Variants in HSD17B1 observed in about 807,000 individuals in gnomAD.
HSD17B1 encodes hydroxysteroid 17-beta dehydrogenase 1.
A neutral mutation model predicts 22.7 loss-of-function variants in HSD17B1; 16 were observed. The observed-to-expected ratio is 0.71, with a 90% CI of 0.48 to 1.07. The LOEUF is 1.07. HSD17B1 is among the 50% of genes least tolerant of loss of function. HSD17B1 has a pLI of 0.00. For synonymous variants in HSD17B1, 243 were observed against 211.0 expected (o/e 1.15, Z -1.31); for missense variants, 533 against 459.9 (o/e 1.16, Z -1.45).
At position 42,553,021 on chromosome 17, in the gene HSD17B1, A is replaced by G; in HGVS notation, c.88A>G (p.Ser30Gly). The G allele has an allele frequency of 1.9e-6, 3 of 1,614,116 alleles. No individual in the cohort carries two copies. The highest frequency in any genetic ancestry group is 1.7e-6 in the Non-Finnish European group (2 of 1,180,012). The change falls in exon 1 of 6, where the codon AGC (serine) becomes GGC (glycine). Residue 30 changes from serine (S) to glycine (G), a missense_variant. Transcript: ENST00000585807. Reference protein sequence around the residue: ...AVRLASDPSQSFKVYATLRDL... With the variant: ...AVRLASDPSQGFKVYATLRDL... ...ACGTCTGGCTTCAGATCCATCCCAG[A>G]GCTTCAAAGGTATAGATAGGCAGGG...
chr17:42,554,337 G>T lies in HSD17B1; in HGVS notation c.540-68G>T. ...CGGGACGTGGTTGGGGCTGGGACTG[G>T]GGTTGGGGCTGGGACTGGGGCCTGG... On this transcript the variant is annotated intron_variant, in intron 4 of 5. Coordinates refer to ENST00000585807, the MANE Select transcript of HSD17B1 (RefSeq NM_000413.4). 2.7e-6 allele frequency: 4 copies of T among 1,499,928 alleles called. No homozygotes were observed. In the South Asian group the frequency reaches 5.0e-5, roughly 19 times the overall value. The allele number at this position is 1,499,928 out of a possible 1,614,324, so 92.9% of individuals were successfully genotyped here.
Position 42,554,439 on chromosome 17 carries a change from G to A in HSD17B1, c.574G>A (p.Ala192Thr). 3 of 1,612,698 alleles carry A rather than the reference G, an allele frequency of 1.9e-6. No homozygotes were observed. The highest frequency in any genetic ancestry group is 2.5e-6 in the Non-Finnish European group (3 of 1,179,432). The change falls in exon 5 of 6, where the codon GCC becomes ACC. Residue 192 changes from alanine to threonine, a missense_variant. Transcript: ENST00000585807. ...SLIECGPVHTAFMEKVLGSPE... is the reference protein window; with the variant it reads ...SLIECGPVHTTFMEKVLGSPE... ...GATCGAGTGCGGCCCAGTGCACACC[G>A]CCTTCATGGAGAAGGTGTTGGGCAG...
chr17:42,553,200 A>C lies in HSD17B1; in HGVS notation c.174A>C (p.Gly58=), dbSNP rs376755275. The C allele has an allele frequency of 2.5e-6, 4 of 1,613,726 alleles. No individual in the cohort carries two copies. Among genetic ancestry groups the C allele is most frequent in the Non-Finnish European group, 3.4e-6 (4 of 1,180,002 alleles). The part of the protein sequence containing the change: ...EAARALACPP[G]SLETLQLDVR... ...CCCGGGCCCTGGCATGCCCTCCGGGATCCCTGGAGACGTTGCAGCTGGACG... is the reference window on the plus strand; with the variant it reads ...CCCGGGCCCTGGCATGCCCTCCGGGCTCCCTGGAGACGTTGCAGCTGGACG... Residue 58 remains glycine, a synonymous_variant, in exon 2 of 6, where the codon GGA becomes GGC. Coordinates refer to ENST00000585807, the MANE Select transcript of HSD17B1 (RefSeq NM_000413.4).
rs1195990495 is a variant in HSD17B1, at chr17:42,554,966, C to T, written c.*28C>T. 9.7e-6 allele frequency: 14 copies of T among 1,444,450 alleles called. No homozygotes were observed. The highest frequency in any genetic ancestry group is 1.5e-5 in the African/African-American group (1 of 68,910). The allele number at this position is 1,444,450 out of a possible 1,614,324, so 89.5% of individuals were successfully genotyped here. On this transcript the variant is annotated 3_prime_UTR_variant, in exon 6 of 6. Coordinates refer to ENST00000585807, the MANE Select transcript of HSD17B1 (RefSeq NM_000413.4). ...GCTTCCTCAGCCGCTGTCTCCCGCG[C>T]CCTTCTTTGTCCCCTGGGTCTGTGT... is the stretch of plus-strand genomic sequence containing the variant.
Position 42,554,813 on chromosome 17 carries a change from G to T in HSD17B1, c.862G>T (p.Val288Phe). The T allele has an allele frequency of 6.2e-7, 1 of 1,601,108 alleles. No individual in the cohort carries two copies. The change falls in exon 6 of 6, where the codon GTT becomes TTT. Residue 288 changes from valine to phenylalanine, a missense_variant. Val to Phe is a conservative substitution (Grantham distance 50). Coordinates refer to ENST00000585807, the MANE Select transcript of HSD17B1 (RefSeq NM_000413.4). ...TAMHREVFGD[V>F]PAKAEAGAEA... ...CATGCACCGGGAAGTGTTCGGCGAC[G>T]TTCCGGCAAAGGCCGAGGCTGGGGC... is the stretch of plus-strand genomic sequence containing the variant.
rs1247823253 is a variant in HSD17B1 at position 42,554,821 on chromosome 17, A to T, written c.870A>T (p.Ala290=). The T allele has an allele frequency of 6.3e-7, 1 of 1,599,998 alleles. No individual in the cohort carries two copies. Among genetic ancestry groups the T allele is most frequent in the African/African-American group, 1.3e-5 (1 of 74,946 alleles). Residue 290 remains alanine, a synonymous_variant, in exon 6 of 6, where the codon GCA becomes GCT. Transcript: ENST00000585807. ...GGGAAGTGTTCGGCGACGTTCCGGC[A>T]AAGGCCGAGGCTGGGGCCGAGGCTG... ...MHREVFGDVP[A]KAEAGAEAGG...
In HSD17B1 at chr17:42,553,521, A is replaced by T. The variant is rs1387181717; in HGVS notation, c.348A>T (p.Val116=). Residue 116 remains valine (V), a synonymous_variant, in exon 3 of 6, where the codon GTA becomes GTT. Transcript: ENST00000585807. ...DAVASVLDVN[V]VGTVRMLQAF... is the part of the protein sequence containing the mutation. ...TGGCCTCTGTGCTGGACGTGAATGT[A>T]GTAGGGACTGTGCGGATGCTGCAGG... The T allele has an allele frequency of 6.2e-7, 1 of 1,614,018 alleles. No individual in the cohort carries two copies. The highest frequency in any genetic ancestry group is 2.2e-5 in the East Asian group (1 of 44,878).
Position 42,553,596 on chromosome 17 carries a change from C to CGGGA in HSD17B1, c.425_428dup (p.Ser143ArgfsTer13), listed in dbSNP as rs1567898210. On this transcript the variant is annotated frameshift_variant, in exon 3 of 6. Coordinates refer to ENST00000585807, the MANE Select transcript of HSD17B1 (RefSeq NM_000413.4). LOFTEE classifies it high-confidence loss of function. ...GCGGTTCGGGACGCGTGTTGGTGACCGGGAGCGTGGGAGGATTGATGGGTG... is the reference window on the plus strand; with the variant it reads ...GCGGTTCGGGACGCGTGTTGGTGACCGGGAGGGAGCGTGGGAGGATTGATGGGTG... The CGGGA allele has an allele frequency of 6.2e-7, 1 of 1,609,332 alleles. No homozygotes were observed. Among genetic ancestry groups the CGGGA allele is most frequent in the South Asian group, 1.1e-5 (1 of 90,482 alleles).
Position 42,554,600 on chromosome 17 carries a change from C to T in HSD17B1, c.717+18C>T, listed in dbSNP as rs1164279454. On this transcript the variant is annotated intron_variant, in intron 5 of 5. Transcript: ENST00000585807. ...TGGCGGAGGTGAGCGCCGGGCTGGA[C>T]TCCAGGAGTGGGGGCGGTGCGTCCT... The T allele has an allele frequency of 6.2e-7, 1 of 1,610,848 alleles. No homozygotes were observed. The highest frequency in any genetic ancestry group is 2.2e-5 in the East Asian group (1 of 44,802).
chr17:42,554,923 G>C lies in HSD17B1; in HGVS notation c.972G>C (p.Pro324=). The C allele has an allele frequency of 6.8e-7, 1 of 1,475,390 alleles. No individual in the cohort carries two copies. The allele number at this position is 1,475,390 out of a possible 1,614,324, so 91.4% of individuals were successfully genotyped here. A position where few individuals can be genotyped will look rare whatever the true frequency, so the allele number is the denominator to read the frequency against. Residue 324 remains proline (P), a synonymous_variant, in exon 6 of 6, where the codon CCG becomes CCC. Coordinates refer to ENST00000585807, the MANE Select transcript of HSD17B1 (RefSeq NM_000413.4). The part of the protein sequence containing the change: ...AVGDPELGDP[P]AAPQ ...GGGACCCTGAGCTCGGCGATCCTCC[G>C]GCCGCCCCGCAGTAAAGGCTTCCTC...
chr17:42,553,767 C>T (rs769700504), intron 3 of HSD17B1, 27 bp from the exon 4 acceptor site: 3 of 1,610,076 alleles, frequency 1.9e-6, no homozygotes, highest in Non-Finnish European at 1.7e-6. Context: ...GCCGCTGCGC[C>T]TCAGGAACCT....
chr17:42,553,134 G>C lies in HSD17B1; in HGVS notation c.108G>C (p.Thr36=), dbSNP rs772103174. Residue 36 remains threonine (T), a synonymous_variant, in exon 2 of 6, where the codon ACG becomes ACC. Coordinates refer to ENST00000585807, the MANE Select transcript of HSD17B1 (RefSeq NM_000413.4). ...DPSQSFKVYA[T]LRDLKTQGRL... ...TCCCAAAACCTCCAGTGTATGCCAC[G>C]TTGAGGGACCTGAAAACACAGGGCC... is the stretch of plus-strand genomic sequence containing the variant. The C allele has an allele frequency of 6.2e-7, 1 of 1,613,902 alleles. No homozygotes were observed. Among genetic ancestry groups the C allele is most frequent in the Non-Finnish European group, 8.5e-7 (1 of 1,180,008 alleles).
chr17:42,554,637 C>T (rs1181560478), intron 5 of HSD17B1, 32 bp from the exon 6 acceptor site: 3 of 1,605,222 alleles, frequency 1.9e-6, no homozygotes, highest in East Asian at 2.2e-5. Context: ...CGGCGCGCAG[C>T]GGTGGCCACA....
rs2092955454 is a variant in HSD17B1 at position 42,554,395 on chromosome 17, C to T, written c.540-10C>T. On this transcript the variant is annotated splice_polypyrimidine_tract_variant and intron_variant, in intron 4 of 5. Coordinates refer to ENST00000585807, the MANE Select transcript of HSD17B1 (RefSeq NM_000413.4). ...CCGCCCCCTCCCACTCGTTGCTCTC[C>T]GGCCAGCAGCTTGAGCCTGATCGAG... 1 of 1,591,080 alleles carries T rather than the reference C, an allele frequency of 6.3e-7. No individual in the cohort carries two copies. Among genetic ancestry groups the T allele is most frequent in the South Asian group, 1.1e-5 (1 of 89,536 alleles).
At chr17:42,553,992 T>G in intron 4 of HSD17B1, 105 bp downstream of exon 4, 1 of 1,014,546 alleles carries the variant, frequency 9.9e-7, no homozygotes, top group Non-Finnish European at 1.5e-6. Context: ...TGGCCCTCTC[T>G]GCCCGGCTCA....
chr17:42,554,610 G>A lies in HSD17B1; in HGVS notation c.717+28G>A, dbSNP rs374111764. ...GAGCGCCGGGCTGGACTCCAGGAGT[G>A]GGGGCGGTGCGTCCTCCGGCGCGCA... On this transcript the variant is annotated intron_variant, in intron 5 of 5. Transcript: ENST00000585807. The A allele has an allele frequency of 8.1e-6, 13 of 1,608,782 alleles. 1 individual carries two copies. The South Asian group carries it at 1.1e-4, about 14-fold the overall frequency.
chr17:42,554,940 G>C lies in HSD17B1; in HGVS notation c.*2G>C. The C allele has an allele frequency of 1.4e-6, 2 of 1,460,120 alleles. No individual in the cohort carries two copies. The highest frequency in any genetic ancestry group is 1.8e-6 in the Non-Finnish European group (2 of 1,114,404). The allele number at this position is 1,460,120 out of a possible 1,614,324, so 90.4% of individuals were successfully genotyped here. A position where few individuals can be genotyped will look rare whatever the true frequency, so the allele number is the denominator to read the frequency against. On this transcript the variant is annotated 3_prime_UTR_variant, in exon 6 of 6. Coordinates refer to ENST00000585807, the MANE Select transcript of HSD17B1 (RefSeq NM_000413.4). Reference sequence around the variant, plus strand: ...GATCCTCCGGCCGCCCCGCAGTAAAGGCTTCCTCAGCCGCTGTCTCCCGCG... The same window carrying C: ...GATCCTCCGGCCGCCCCGCAGTAAACGCTTCCTCAGCCGCTGTCTCCCGCG...
chr17:42,554,941 G>C lies in HSD17B1; in HGVS notation c.*3G>C, dbSNP rs759997251. 3 of 1,458,534 alleles carry C rather than the reference G, an allele frequency of 2.1e-6. No individual in the cohort carries two copies. The highest frequency in any genetic ancestry group is 2.9e-5 in the African/African-American group (2 of 69,700). 90.3% of individuals were successfully genotyped at this position (1,458,534 alleles called of 1,614,324 possible). The stretch of plus-strand genomic sequence containing the variant: ...ATCCTCCGGCCGCCCCGCAGTAAAG[G>C]CTTCCTCAGCCGCTGTCTCCCGCGC... On this transcript the variant is annotated 3_prime_UTR_variant, in exon 6 of 6. Transcript: ENST00000585807.
Position 42,554,809 on chromosome 17 carries a change from C to A in HSD17B1, c.858C>A (p.Gly286=). The A allele has an allele frequency of 6.2e-7, 1 of 1,601,398 alleles. No homozygotes were observed. Among genetic ancestry groups the A allele is most frequent in the Non-Finnish European group, 8.5e-7 (1 of 1,179,608 alleles). ...YVTAMHREVF[G]DVPAKAEAGA... ...CCGCCATGCACCGGGAAGTGTTCGGCGACGTTCCGGCAAAGGCCGAGGCTG... is the reference window on the plus strand; with the variant it reads ...CCGCCATGCACCGGGAAGTGTTCGGAGACGTTCCGGCAAAGGCCGAGGCTG... Residue 286 remains glycine (G), a synonymous_variant, in exon 6 of 6, where the codon GGC becomes GGA. Coordinates refer to ENST00000585807, the MANE Select transcript of HSD17B1 (RefSeq NM_000413.4).
Sources: allele counts gnomAD v4.1 joint callset, GRCh38; gene constraint gnomAD v4.1.1; transcripts MANE v1.5; gene names NCBI Gene and HGNC (gene_info 2026-07-23, HGNC 2026-07-21).